Variants in DENND1A observed in about 807,000 individuals in gnomAD.
DENND1A encodes DENN domain-containing protein 1A.
Under a neutral mutation model 113.7 loss-of-function variants are expected in DENND1A, and 51 were observed. The observed-to-expected ratio is 0.45, with a 90% confidence interval of 0.36 to 0.57. The LOEUF is 0.57. Among genes scored for constraint, DENND1A ranks in the 20% least tolerant of loss-of-function variants. DENND1A has a pLI of 0.00. For synonymous variants in DENND1A, 565 were observed against 570.8 expected, an observed-to-expected ratio of 0.99 and a Z score of 0.14; for missense variants, 1,258 against 1,395.9, an observed-to-expected ratio of 0.90 and a Z score of 1.57.
intron 2 of DENND1A, among the ~76,000 whole-genome samples, chr9:123,802,354 C>T (rs1470650554): frequency 6.6e-6 from 1 of 152,116 alleles, no homozygotes; most frequent in African/African-American, 2.4e-5. Flanking sequence ...AGATTTTAAC[C>T]TCTGGTCACC....
At chr9:123,844,899 A>T (rs917012696) in intron 2 of DENND1A, among the ~76,000 whole-genome samples, 6 of 152,198 alleles carry the variant, frequency 3.9e-5, no homozygotes, top group African/African-American at 1.4e-4. Context: ...AAATATTTGC[A>T]ATTGTCAATT....
chr9:123,819,903 A>G (rs1838188528), intron 2 of DENND1A, among the ~76,000 whole-genome samples: 1 of 152,254 alleles, frequency 6.6e-6, no homozygotes, highest in African/African-American at 2.4e-5. Context: ...CTTCAAATAA[A>G]TAATTATTCT....
intron 6 of DENND1A, among the ~76,000 whole-genome samples, chr9:123,673,737 TG>T (rs768519247): frequency 6.6e-6 from 1 of 152,240 alleles, no homozygotes; most frequent in African/African-American, 2.4e-5. Context: ...TTGAAAACCA[TG>T]GGTTCACACC....
At chr9:123,517,011 A>G (rs902029076) in intron 13 of DENND1A, among the ~76,000 whole-genome samples, 1 of 151,796 alleles carries the variant, frequency 6.6e-6, no homozygotes, top group Non-Finnish European at 1.5e-5. Context: ...CAGAACTGGA[A>G]TTGCTGGGAA....
At chr9:123,644,920 T>A (rs374881818) in intron 9 of DENND1A, among the ~76,000 whole-genome samples, 1 of 152,154 alleles carries the variant, frequency 6.6e-6, no homozygotes, top group Non-Finnish European at 1.5e-5. Flanking sequence ...TTGCTCTCCA[T>A]AGAGTTCCAA....
rs2808411 is a variant in DENND1A at position 123,383,918 on chromosome 9, C to A, written c.1761-5G>T. On this transcript the variant is annotated splice_polypyrimidine_tract_variant and splice_region_variant and intron_variant, in intron 22 of 23. Transcript: ENST00000394215. ...AGTGTCCGATACGGCTGCGGCCTGT[C>A]GGGGACAGAGCAGGCTGCACTCTCC... 8 of 1,605,536 alleles carry A rather than the reference C, an allele frequency of 5.0e-6. No homozygotes were observed. In the African/African-American group the frequency reaches 8.0e-5, roughly 16 times the overall value.
intron 2 of DENND1A, among the ~76,000 whole-genome samples, chr9:123,793,348 C>T (rs1237579723): frequency 6.6e-6 from 1 of 152,038 alleles, no homozygotes; most frequent in Non-Finnish European, 1.5e-5. Flanking sequence ...AAATCATAAG[C>T]AAGATGATCC....
In DENND1A at chr9:123,382,009, G is replaced by A; in HGVS notation, c.2636C>T (p.Pro879Leu). ...ATPFTPQFSF[P>L]PAGTPTPFPQ... ...GAATGGGGTGGGTGTCCCTGCAGGG[G>A]GGAAGCTGAATTGGGGGGTGAATGG... Residue 879 changes from proline to leucine, a missense_variant, in exon 24 of 24, where the codon CCC (proline) becomes CTC (leucine). This residue lies in a region of DENND1A where 1,159 missense variants were observed against 1,231.7 expected (regional missense o/e 0.94). Coordinates refer to ENST00000394215, the MANE Select transcript of DENND1A (RefSeq NM_001352964.2). 1 of 1,486,294 alleles carries A rather than the reference G, an allele frequency of 6.7e-7. No homozygotes were observed. Among genetic ancestry groups the A allele is most frequent in the Non-Finnish European group, 8.9e-7 (1 of 1,119,590 alleles). 92.1% of individuals were successfully genotyped at this position (1,486,294 alleles called of 1,614,324 possible). A position where few individuals can be genotyped will look rare whatever the true frequency, so the allele number is the denominator to read the frequency against.
chr9:123,767,915 C>A (rs574095835), intron 4 of DENND1A, among the ~76,000 whole-genome samples: 5 of 152,160 alleles, frequency 3.3e-5, no homozygotes, highest in Non-Finnish European at 7.4e-5. Context: ...TAAAACATTT[C>A]AGTTTTATTA....
intron 12 of DENND1A, among the ~76,000 whole-genome samples, chr9:123,582,887 CAG>C (rs1321152132): frequency 6.6e-5 from 10 of 151,116 alleles, no homozygotes; most frequent in African/African-American, 1.7e-4. Flanking sequence ...TTAGTAGAAA[CAG>C]GGTTTCACCA....
chr9:123,651,796 G>A (rs894918343), intron 9 of DENND1A, among the ~76,000 whole-genome samples: 1 of 151,938 alleles, frequency 6.6e-6, no homozygotes, highest in African/African-American at 2.4e-5. Flanking sequence ...ACAATCAAAT[G>A]GAAAGCTATT....
At chr9:123,844,997 T>A (rs781123464) in intron 2 of DENND1A, among the ~76,000 whole-genome samples, 5 of 152,104 alleles carry the variant, frequency 3.3e-5, no homozygotes, top group Non-Finnish European at 5.9e-5. Flanking sequence ...GGTGGACAGA[T>A]CACTTGAAGC....
intron 9 of DENND1A, among the ~76,000 whole-genome samples, chr9:123,632,896 TATAATAATA>T (rs372172540): frequency 6.6e-6 from 1 of 151,386 alleles, no homozygotes; most frequent in African/African-American, 2.4e-5. Flanking sequence ...AGGCACCTAT[TATAATAATA>T]ATAATATTAT....
chr9:123,684,027 G>A (rs1564943192), intron 5 of DENND1A, among the ~76,000 whole-genome samples: 1 of 152,138 alleles, frequency 6.6e-6, no homozygotes, highest in South Asian at 2.1e-4. Flanking sequence ...TGAGTATAGA[G>A]CAAGTGATTA....
intron 2 of DENND1A, among the ~76,000 whole-genome samples, chr9:123,834,387 T>C (rs1375971215): frequency 6.6e-6 from 1 of 152,150 alleles, no homozygotes; most frequent in Non-Finnish European, 1.5e-5. Context: ...TTCCCCCATT[T>C]TACAGATAAG....
chr9:123,500,418 T>C (rs922437507), intron 13 of DENND1A, among the ~76,000 whole-genome samples: 5 of 152,220 alleles, frequency 3.3e-5, no homozygotes, highest in African/African-American at 7.2e-5. Context: ...TGTTCTGCTA[T>C]TGTTCTGAAG....
At chr9:123,554,932 T>A (rs1464091582) in intron 13 of DENND1A, among the ~76,000 whole-genome samples, 2 of 152,224 alleles carry the variant, frequency 1.3e-5, no homozygotes, top group African/African-American at 4.8e-5. Flanking sequence ...ATTAAAACTA[T>A]CATAAGACAG....
chr9:123,471,600 A>G (rs1439674835), intron 13 of DENND1A, among the ~76,000 whole-genome samples: 1 of 152,162 alleles, frequency 6.6e-6, no homozygotes, highest in Non-Finnish European at 1.5e-5. Context: ...TAGGGCTGGG[A>G]CGCCGCAGGA....
intron 2 of DENND1A, among the ~76,000 whole-genome samples, chr9:123,852,702 T>C (rs1217020860): frequency 1.3e-5 from 2 of 152,080 alleles, no homozygotes; most frequent in Non-Finnish European, 1.5e-5. Context: ...AAAATAAGAA[T>C]GTTCACCTTA....
Sources: allele counts gnomAD v4.1 joint callset (sites outside exome capture counted in the v4.1 genomes callset), GRCh38; gene constraint gnomAD v4.1.1; regional missense constraint gnomAD v4.1.1; transcripts MANE v1.5; gene names NCBI Gene and HGNC (gene_info 2026-07-23, HGNC 2026-07-21).